The following MBD5 variants were observed in gnomAD, a reference collection of about 807,000 sequenced individuals.
The protein encoded by MBD5 is methyl-CpG-binding domain protein 5.
In MBD5, 13 loss-of-function variants were observed where a neutral mutation model predicts 117.3. The ratio of observed to expected loss-of-function variants is 0.11; its 90% CI spans 0.07 to 0.18. The LOEUF (loss-of-function observed/expected upper bound fraction) is 0.18. Ranked by LOEUF, MBD5 falls within the 10% of genes least tolerant of loss-of-function variation. The probability of loss-of-function intolerance (pLI) is 1.00; values close to 1 mark genes in which losing one functional copy is unlikely to be tolerated. For synonymous variants in MBD5, 727 were observed against 766.4 expected (o/e 0.95, Z 0.85); for missense variants, 1,879 against 2,093.8 (o/e 0.90, Z 2.00).
intron 2 of MBD5, among the ~76,000 whole-genome samples, chr2:148,184,135 C>A (rs1698595313): frequency 1.3e-5 from 2 of 151,904 alleles, no homozygotes; most frequent in African/African-American, 4.8e-5. Context: ...CCTCAGCCTC[C>A]TGAGTAGCTG....
intron 4 of MBD5, among the ~76,000 whole-genome samples, chr2:148,358,053 T>C (rs1488660238): frequency 6.6e-6 from 1 of 152,190 alleles, no homozygotes; most frequent in Non-Finnish European, 1.5e-5. Flanking sequence ...ATTAATATAT[T>C]GAAATCTCAC....
intron 9 of MBD5, 169 bp from the exon 10 acceptor site, chr2:148,485,573 A>T: frequency 1.6e-6 from 1 of 616,508 alleles, no homozygotes; most frequent in East Asian, 2.7e-5. Context: ...TAAATAATAA[A>T]GCTACTCTTT....
chr2:148,119,824 C>T (rs1228241048), intron 1 of MBD5, among the ~76,000 whole-genome samples: 1 of 151,922 alleles, frequency 6.6e-6, no homozygotes, highest in African/African-American at 2.4e-5. Context: ...CAAGGATTTA[C>T]TTCTGACTCT....
chr2:148,215,779 T>C lies in MBD5; in HGVS notation c.-830-17466T>C, dbSNP rs145296502. 6.3e-3 allele frequency among the ~76,000 whole-genome samples: 944 copies of C among 150,900 alleles called. 11 individuals are homozygous for C. The highest frequency in any genetic ancestry group is 0.019 in the African/African-American group (766 of 41,040). On this transcript the variant is annotated intron_variant, in intron 2 of 13. Transcript: ENST00000642680. Reference sequence around the variant, plus strand: ...TTCAAGCGATTTTCCTACCTTAGCCTCCCAAAGTGCCAGAATTACAGGCAT... The same window carrying C: ...TTCAAGCGATTTTCCTACCTTAGCCCCCCAAAGTGCCAGAATTACAGGCAT...
chr2:148,114,205 C>T (rs549374882), intron 1 of MBD5, among the ~76,000 whole-genome samples: 90 of 152,282 alleles, frequency 5.9e-4, no homozygotes, highest in African/African-American at 1.7e-3. Context: ...CATGGTGGCT[C>T]ACACCTGTAA....
intron 3 of MBD5, among the ~76,000 whole-genome samples, chr2:148,233,714 G>A (rs533256661): frequency 2.6e-5 from 4 of 151,724 alleles, no homozygotes; most frequent in Non-Finnish European, 2.9e-5. Flanking sequence ...TATCTCTCTT[G>A]GACACATATA....
At chr2:148,049,838 T>C (rs2105748198) in intron 1 of MBD5, among the ~76,000 whole-genome samples, 1 of 152,336 alleles carries the variant, frequency 6.6e-6, no homozygotes, top group South Asian at 2.1e-4. Context: ...TGTGTCTGGC[T>C]TCTTTCACTT....
rs562077398 is a variant in MBD5, at chr2:148,418,573, A to G, written c.-556-39630A>G. Among the ~76,000 whole-genome samples, 6 of 152,324 alleles carry G rather than the reference A, an allele frequency of 3.9e-5. No individual in the cohort carries two copies. In the South Asian group the frequency reaches 1.0e-3, roughly 26 times the overall value. The stretch of plus-strand genomic sequence containing the variant: ...ATACAAATCAGTAGCATTGGTATAA[A>G]CCAAAAACAACCAAGCTGAGGATCA... On this transcript the variant is annotated intron_variant, in intron 4 of 13. Transcript: ENST00000642680.
intron 4 of MBD5, among the ~76,000 whole-genome samples, chr2:148,370,927 C>G (rs1237044323): frequency 6.6e-6 from 1 of 151,978 alleles, no homozygotes; most frequent in African/African-American, 2.4e-5. Flanking sequence ...TGAGGGATAA[C>G]TAGGAACCAA....
At chr2:148,350,510 ACT>A in intron 4 of MBD5, among the ~76,000 whole-genome samples, 1 of 152,082 alleles carries the variant, frequency 6.6e-6, no homozygotes, top group Non-Finnish European at 1.5e-5. Context: ...AGTTCAGTAA[ACT>A]CAGAATTTTG....
intron 2 of MBD5, among the ~76,000 whole-genome samples, chr2:148,182,252 TA>T (rs1698550788): frequency 6.6e-6 from 1 of 152,196 alleles, no homozygotes; most frequent in South Asian, 2.1e-4. Flanking sequence ...TATTGAACCT[TA>T]ACAATGCTTT....
At chr2:148,400,124 A>G (rs1704872265) in intron 4 of MBD5, among the ~76,000 whole-genome samples, 1 of 152,056 alleles carries the variant, frequency 6.6e-6, no homozygotes, top group Non-Finnish European at 1.5e-5. Flanking sequence ...ATTTTAAAAG[A>G]TCATTGAATT....
At chr2:148,354,277 A>G (rs1209767708) in intron 4 of MBD5, among the ~76,000 whole-genome samples, 1 of 142,478 alleles carries the variant, frequency 7.0e-6, no homozygotes, top group South Asian at 2.2e-4. Context: ...TCCACCCCCC[A>G]CCAACAGGCC....
At chr2:148,410,517 C>A (rs1227036539) in intron 4 of MBD5, among the ~76,000 whole-genome samples, 6 of 152,146 alleles carry the variant, frequency 3.9e-5, no homozygotes, top group Non-Finnish European at 7.4e-5. Flanking sequence ...ACAGCCTTGA[C>A]CACTCTGGCT....
rs780965910 is a variant in MBD5 at position 148,469,671 on chromosome 2, A to G, written c.1728A>G (p.Ala576=). The change falls in exon 8 of 14, where the codon GCA becomes GCG. Residue 576 remains alanine, a synonymous_variant. Transcript: ENST00000642680. ...LNQHNAASFP[A]SSLLSAAAKA... is the part of the protein sequence containing the mutation. ...AGCACAATGCTGCCTCCTTTCCAGC[A>G]AGTAGTTTACTCTCAGCAGCAGCCA... 6.2e-7 allele frequency: 1 copy of G among 1,613,988 alleles called. No individual in the cohort carries two copies. The highest frequency in any genetic ancestry group is 2.2e-5 in the East Asian group (1 of 44,876).
At chr2:148,285,240 TGAAA>T (rs1267211054) in intron 3 of MBD5, among the ~76,000 whole-genome samples, 4 of 152,226 alleles carry the variant, frequency 2.6e-5, no homozygotes, top group African/African-American at 7.2e-5. Context: ...ACAGGATAAC[TGAAA>T]GAGAGTAGAA....
chr2:148,321,147 G>A (rs2106569536), intron 3 of MBD5, among the ~76,000 whole-genome samples: 1 of 152,238 alleles, frequency 6.6e-6, no homozygotes, highest in Non-Finnish European at 1.5e-5. Flanking sequence ...TTCTGTAGAT[G>A]TATATTGTTC....
intron 1 of MBD5, among the ~76,000 whole-genome samples, chr2:148,130,822 C>T (rs927824438): frequency 1.3e-5 from 2 of 152,200 alleles, no homozygotes; most frequent in East Asian, 3.9e-4. Context: ...GGAATTTACT[C>T]ACTTAGTGAT....
At chr2:148,419,348 A>G (rs1027457864) in intron 4 of MBD5, among the ~76,000 whole-genome samples, 18 of 152,166 alleles carry the variant, frequency 1.2e-4, no homozygotes, top group Admixed American at 4.6e-4. Context: ...TTAGAAGGCC[A>G]TCGTAAATAT....
Sources: gnomAD v4.1 joint callset for allele counts (sites outside exome capture counted in the v4.1 genomes callset) on GRCh38, gnomAD v4.1.1 for gene constraint, MANE v1.5 for transcripts, NCBI Gene and HGNC (gene_info 2026-07-23, HGNC 2026-07-21) for gene names.